Variants in LARGE1 observed in about 807,000 individuals in gnomAD.
LARGE1 encodes LARGE xylosyl- and glucuronyltransferase 1.
In LARGE1, 43 loss-of-function variants were observed where a neutral mutation model predicts 87.6. The ratio of observed to expected loss-of-function variants is 0.49; its 90% CI spans 0.38 to 0.63. The LOEUF is 0.63. LARGE1 is among the 30% of genes least tolerant of loss of function. The pLI is 0.00. For missense variants in LARGE1, 802 were observed against 1,000.2 expected (o/e 0.80, Z 2.67); for synonymous variants, 434 against 394.6 (o/e 1.10, Z -1.18).
chr22:33,397,069 C>T (rs1184073769), intron 7 of LARGE1, among the ~76,000 whole-genome samples: 1 of 152,100 alleles, frequency 6.6e-6, no homozygotes, highest in Non-Finnish European at 1.5e-5. Flanking sequence ...CCAGAATCCC[C>T]CTTACAGTCA....
chr22:33,445,526 T>C (rs923606429), intron 6 of LARGE1, among the ~76,000 whole-genome samples: 1 of 152,074 alleles, frequency 6.6e-6, no homozygotes, highest in African/African-American at 2.4e-5. Context: ...CAAGGATGAG[T>C]AAAGTGGTAT....
At chr22:33,296,073 C>T (rs1295418473) in intron 12 of LARGE1, among the ~76,000 whole-genome samples, 1 of 152,220 alleles carries the variant, frequency 6.6e-6, no homozygotes, top group Non-Finnish European at 1.5e-5. Context: ...TCAGGTAATG[C>T]TCAACATTCC....
chr22:33,099,626 G>A, the LARGE1 span, among the ~76,000 whole-genome samples: 1 of 152,206 alleles, frequency 6.6e-6, no homozygotes, highest in Admixed American at 6.5e-5. Flanking sequence ...ACTTATGGCT[G>A]AGGGCATCCT....
intron 14 of LARGE1, among the ~76,000 whole-genome samples, chr22:33,275,260 A>C (rs1929003451): frequency 6.6e-6 from 1 of 152,214 alleles, no homozygotes; most frequent in African/African-American, 2.4e-5. Context: ...CTCAGGCCAA[A>C]AATAAAAGGC....
In LARGE1 at chr22:33,273,436, T is replaced by C; in HGVS notation, c.*991A>G. ...CTGGGCTTTCATGAATTATGAAAGTTCTTCGAAAGGCCTGAGAGGTTCGTA... is the reference window on the plus strand; with the variant it reads ...CTGGGCTTTCATGAATTATGAAAGTCCTTCGAAAGGCCTGAGAGGTTCGTA... On this transcript the variant is annotated 3_prime_UTR_variant, in exon 15 of 15. Transcript: ENST00000397394. The C allele has an allele frequency of 2.5e-6, 1 of 398,666 alleles. No homozygotes were observed. The highest frequency in any genetic ancestry group is 3.6e-5 in the East Asian group (1 of 28,078). The allele number at this position is 398,666 out of a possible 1,614,324, so 24.7% of individuals were successfully genotyped here.
intron 1 of LARGE1, among the ~76,000 whole-genome samples, chr22:33,882,220 C>T (rs528428017): frequency 3.9e-5 from 6 of 152,004 alleles, no homozygotes; most frequent in Non-Finnish European, 5.9e-5. Flanking sequence ...TTAGTAGAGA[C>T]GGGGTTTCAT....
intron 7 of LARGE1, among the ~76,000 whole-genome samples, chr22:33,400,096 C>G (rs1231145941): frequency 6.6e-6 from 1 of 152,214 alleles, no homozygotes; most frequent in East Asian, 1.9e-4. Flanking sequence ...CTTAGAGGTC[C>G]TGCTCTGAGA....
chr22:33,689,320 AG>A (rs2149330900), intron 2 of LARGE1, among the ~76,000 whole-genome samples: 1 of 152,152 alleles, frequency 6.6e-6, no homozygotes, highest in African/African-American at 2.4e-5. Context: ...TCAAGCAGGA[AG>A]AACTCCAGAG....
At chr22:33,524,305 AT>A (rs1195858719) in intron 6 of LARGE1, among the ~76,000 whole-genome samples, 1 of 150,804 alleles carries the variant, frequency 6.6e-6, no homozygotes. Context: ...AAAAAAAATA[AT>A]AATAATAATA....
At chr22:33,888,873 A>G (rs1435674620) in intron 1 of LARGE1, among the ~76,000 whole-genome samples, 2 of 152,158 alleles carry the variant, frequency 1.3e-5, no homozygotes, top group East Asian at 3.8e-4. Context: ...AAAACAAAAA[A>G]CAAATATATC....
At chr22:33,803,654 G>A (rs996520662) in intron 1 of LARGE1, among the ~76,000 whole-genome samples, 6 of 152,176 alleles carry the variant, frequency 3.9e-5, no homozygotes, top group African/African-American at 1.4e-4. Context: ...AAGTCTGGAG[G>A]GAACCAGGCT....
the LARGE1 span, among the ~76,000 whole-genome samples, chr22:33,118,520 AG>A: frequency 6.7e-6 from 1 of 148,930 alleles, no homozygotes; most frequent in African/African-American, 2.5e-5. Flanking sequence ...AAAAAAAAAA[AG>A]AAAAGAGGTA....
At chr22:33,216,044 A>G (rs1925186947) in intron 11 of LARGE1, among the ~76,000 whole-genome samples, 1 of 152,204 alleles carries the variant, frequency 6.6e-6, no homozygotes, top group African/African-American at 2.4e-5. Flanking sequence ...AAAGGATCCA[A>G]TTTTATTTTT....
intron 6 of LARGE1, among the ~76,000 whole-genome samples, chr22:33,444,801 C>A (rs147685871): frequency 6.6e-6 from 1 of 152,012 alleles, no homozygotes; most frequent in Admixed American, 6.6e-5. Context: ...AGGGCTGAGG[C>A]GGTCCCTTCC....
the LARGE1 span, among the ~76,000 whole-genome samples, chr22:33,118,643 G>C: frequency 6.6e-6 from 1 of 152,194 alleles, no homozygotes; most frequent in Non-Finnish European, 1.5e-5. Context: ...GTCCTCCAAA[G>C]GTTCACAGAT....
intron 11 of LARGE1, among the ~76,000 whole-genome samples, chr22:33,265,372 C>T (rs1329032011): frequency 1.3e-5 from 2 of 152,188 alleles, no homozygotes; most frequent in African/African-American, 4.8e-5. Context: ...CCATCTCCAG[C>T]TATCCTTGCT....
the LARGE1 span, among the ~76,000 whole-genome samples, chr22:33,087,874 C>T: frequency 6.6e-6 from 1 of 152,168 alleles, no homozygotes; most frequent in Non-Finnish European, 1.5e-5. Context: ...GTGGAAGTTG[C>T]AGTGAGCCCA....
At chr22:33,672,583 T>C (rs912990241) in intron 2 of LARGE1, among the ~76,000 whole-genome samples, 8 of 152,160 alleles carry the variant, frequency 5.3e-5, no homozygotes, top group Admixed American at 3.3e-4. Flanking sequence ...CCTGACCAAT[T>C]TGGGTGGGGA....
At chr22:33,566,941 C>CA (rs994173518) in intron 5 of LARGE1, among the ~76,000 whole-genome samples, 3 of 152,068 alleles carry the variant, frequency 2.0e-5, no homozygotes, top group Non-Finnish European at 4.4e-5. Flanking sequence ...TCATCAATTT[C>CA]AAAAAAAGCA....
Sources: gnomAD v4.1 joint callset for allele counts (sites outside exome capture counted in the v4.1 genomes callset) on GRCh38, gnomAD v4.1.1 for gene constraint, MANE v1.5 for transcripts, NCBI Gene and HGNC (gene_info 2026-07-23, HGNC 2026-07-21) for gene names.